Variants in A1CF observed in about 807,000 individuals in gnomAD.
A1CF encodes APOBEC1 complementation factor.
A1CF carries 48 observed loss-of-function variants against 68.9 expected under a neutral mutation model. The ratio of observed to expected loss-of-function variants is 0.70; its 90% CI spans 0.55 to 0.89. A1CF has a LOEUF of 0.89. A1CF is among the 40% of genes least tolerant of loss of function. A1CF has a pLI of 0.00. For missense variants in A1CF, 653 were observed against 718.9 expected, an observed-to-expected ratio of 0.91 and a Z score of 1.05; for synonymous variants, 272 against 260.4, an observed-to-expected ratio of 1.04 and a Z score of -0.43.
chr10:50,824,339 G>A (rs932567623), intron 7 of A1CF: 1 of 152,068 alleles, frequency 6.6e-6, no homozygotes, highest in Non-Finnish European at 1.5e-5. Flanking sequence ...CCTTTTAGTA[G>A]TTTCTCATTC....
intron 8 of A1CF, among the ~76,000 whole-genome samples, chr10:50,819,972 T>G (rs997354214): frequency 6.6e-6 from 1 of 152,224 alleles, no homozygotes; most frequent in Non-Finnish European, 1.5e-5. Flanking sequence ...CATCTTTGAT[T>G]CTCTTTGTAT....
intron 5 of A1CF, among the ~76,000 whole-genome samples, chr10:50,836,646 C>T (rs907584329): frequency 3.3e-5 from 5 of 150,138 alleles, no homozygotes; most frequent in African/African-American, 4.9e-5. Flanking sequence ...CCCATTAACT[C>T]GTCATTTGCA....
Position 50,813,890 on chromosome 10 carries a change from T to A in A1CF, c.1290A>T (p.Thr430=). The change falls in exon 10 of 13, where the codon ACA becomes ACT. Residue 430 remains threonine (T), a synonymous_variant. Transcript: ENST00000373997. ...CGAGTTTAATTCCTTGGGGTTTTAATGTGACAGGATTCATTGGGGTGAGCT... is the reference window on the plus strand; with the variant it reads ...CGAGTTTAATTCCTTGGGGTTTTAAAGTGACAGGATTCATTGGGGTGAGCT... ...GMELTPMNPV[T]LKPQGIKLAP... is the part of the protein sequence containing the mutation. 6.2e-7 allele frequency: 1 copy of A among 1,613,902 alleles called. No homozygotes were observed. The highest frequency in any genetic ancestry group is 8.5e-7 in the Non-Finnish European group (1 of 1,179,840).
intron 4 of A1CF, 42 bp downstream of exon 4, chr10:50,843,946 C>T (rs1401993040): frequency 6.2e-7 from 1 of 1,607,986 alleles, no homozygotes; most frequent in Non-Finnish European, 8.5e-7. Context: ...AGTATTTTTC[C>T]CTTGAACGAT....
In A1CF at chr10:50,859,923, T is replaced by C. The variant is rs367668502; in HGVS notation, c.18A>G (p.Lys6=). The part of the protein sequence containing the change: MESNH[K]SGDGLSGTQK... ...GAGTGCCGCTCAATCCATCCCCGGA[T>C]TTGTGATTTGATTCCATTGAGAGTG... Residue 6 remains lysine, a synonymous_variant, in exon 3 of 13, where the codon AAA becomes AAG. Transcript: ENST00000373997. The C allele has an allele frequency of 1.2e-6, 2 of 1,613,960 alleles. No homozygotes were observed. Among genetic ancestry groups the C allele is most frequent in the Middle Eastern group, 1.7e-4 (1 of 6,048 alleles).
At chr10:50,847,757 A>C (rs1208856903) in intron 3 of A1CF, among the ~76,000 whole-genome samples, 1 of 152,108 alleles carries the variant, frequency 6.6e-6, no homozygotes, top group Non-Finnish European at 1.5e-5. Context: ...ACCATGGACA[A>C]TCATGGTTTC....
chr10:50,847,196 T>G (rs972538044), intron 3 of A1CF, among the ~76,000 whole-genome samples: 1 of 152,222 alleles, frequency 6.6e-6, no homozygotes, highest in Admixed American at 6.5e-5. Flanking sequence ...TATAGATTTT[T>G]GTTTTTCATG....
At chr10:50,868,164 C>A (rs566239457) in intron 1 of A1CF, among the ~76,000 whole-genome samples, 4 of 152,246 alleles carry the variant, frequency 2.6e-5, no homozygotes, top group African/African-American at 9.6e-5. Flanking sequence ...TTTTATGTAA[C>A]ATGCAAGTTG....
At chr10:50,876,631 A>G (rs1841526661) in intron 1 of A1CF, among the ~76,000 whole-genome samples, 1 of 151,966 alleles carries the variant, frequency 6.6e-6, no homozygotes, top group South Asian at 2.1e-4. Context: ...TGCGTCTCTA[A>G]CCTGATGGCT....
intron 12 of A1CF, among the ~76,000 whole-genome samples, chr10:50,809,144 G>T (rs1422200398): frequency 6.6e-6 from 1 of 152,090 alleles, no homozygotes; most frequent in African/African-American, 2.4e-5. Flanking sequence ...AACAAATGGG[G>T]ACAAATCTTT....
chr10:50,809,846 C>T lies in A1CF; in HGVS notation c.1609+48G>A, dbSNP rs112071365. On this transcript the variant is annotated intron_variant, in intron 12 of 12. Coordinates refer to ENST00000373997, the MANE Select transcript of A1CF (RefSeq NM_014576.4). ...ATTCAATGGTACCAAAAAAGGGTTT[C>T]CCAAATACTCTCTGCAGGGCGCCAT... is the stretch of plus-strand genomic sequence containing the variant. 24 of 1,608,738 alleles carry T rather than the reference C, an allele frequency of 1.5e-5. 1 individual carries two copies. Among genetic ancestry groups the T allele is most frequent in the African/African-American group, 1.5e-4 (11 of 74,928 alleles).
At chr10:50,855,855 G>C (rs957373252) in intron 3 of A1CF, among the ~76,000 whole-genome samples, 1 of 151,730 alleles carries the variant, frequency 6.6e-6, no homozygotes, top group African/African-American at 2.4e-5. Context: ...TCATTTTATG[G>C]GTATGCTGCT....
intron 9 of A1CF, among the ~76,000 whole-genome samples, chr10:50,814,701 T>C (rs1838284482): frequency 6.6e-6 from 1 of 152,228 alleles, no homozygotes; most frequent in African/African-American, 2.4e-5. Context: ...AAAAATTAAA[T>C]TGATTACCCT....
At chr10:50,878,844 T>C (rs1841641710) in intron 1 of A1CF, among the ~76,000 whole-genome samples, 3 of 152,220 alleles carry the variant, frequency 2.0e-5, no homozygotes, top group Admixed American at 2.0e-4. Context: ...ATTAGTATGT[T>C]GCAAGTGTGA....
At chr10:50,818,505 G>A (rs1209521600) in intron 8 of A1CF, among the ~76,000 whole-genome samples, 1 of 151,938 alleles carries the variant, frequency 6.6e-6, no homozygotes, top group Non-Finnish European at 1.5e-5. Context: ...TGTTTCAATT[G>A]TAATTATTCC....
intron 1 of A1CF, among the ~76,000 whole-genome samples, chr10:50,883,111 T>A (rs967092684): frequency 2.0e-5 from 3 of 152,238 alleles, no homozygotes; most frequent in Admixed American, 6.5e-5. Flanking sequence ...AAATTTTTTA[T>A]GTACAGTTTG....
chr10:50,823,638 A>G (rs942954722), intron 7 of A1CF: 1 of 152,206 alleles, frequency 6.6e-6, no homozygotes, highest in South Asian at 2.1e-4. Context: ...GTGATTTAAC[A>G]TGCCCTTCAG....
chr10:50,835,197 G>A (rs2132424273), intron 6 of A1CF, among the ~76,000 whole-genome samples: 1 of 151,792 alleles, frequency 6.6e-6, no homozygotes. Context: ...TCTTCCCCAA[G>A]CCAGAAACTG....
At chr10:50,859,800 C>T in intron 3 of A1CF, 42 bp downstream of exon 3, 1 of 1,550,296 alleles carries the variant, frequency 6.5e-7, no homozygotes, top group Non-Finnish European at 8.9e-7. Context: ...CACCACTGTG[C>T]AAATTCAGTG....
Sources: gnomAD v4.1 joint callset for allele counts (sites outside exome capture counted in the v4.1 genomes callset) on GRCh38, gnomAD v4.1.1 for gene constraint, MANE v1.5 for transcripts, NCBI Gene and HGNC (gene_info 2026-07-23, HGNC 2026-07-21) for gene names.